MAL2: variants seen among roughly 807,000 people sequenced by gnomAD.
MAL2 encodes mal, T cell differentiation protein 2, also known as protein MAL2.
A neutral mutation model predicts 18.1 loss-of-function variants in MAL2; 17 were observed. That is an observed-to-expected ratio of 0.94 (90% CI 0.64 to 1.41). MAL2 has a LOEUF of 1.41. Ranked by LOEUF, MAL2 falls within the 40% of genes most tolerant of loss-of-function variation. MAL2 has a pLI of 0.00. For synonymous variants in MAL2, 102 were observed against 102.3 expected (o/e 1.00, Z 0.02); for missense variants, 222 against 231.9 (o/e 0.96, Z 0.28).
At chr8:119,231,445 G>A (rs560772141) in intron 2 of MAL2, among the ~76,000 whole-genome samples, 2 of 152,294 alleles carry the variant, frequency 1.3e-5, no homozygotes, top group East Asian at 3.9e-4. Context: ...TCAATAATAG[G>A]TTTGATAGGA....
chr8:119,242,723 CACA>C (rs1401256070), intron 3 of MAL2, among the ~76,000 whole-genome samples: 1 of 152,088 alleles, frequency 6.6e-6, no homozygotes, highest in Non-Finnish European at 1.5e-5. Flanking sequence ...GTGCTAAACC[CACA>C]ACATTTATCA....
At position 119,239,668 on chromosome 8, in the gene MAL2, GAACA is replaced by G. The variant is rs1470238746; in HGVS notation, c.304-494_304-491del. Among the ~76,000 whole-genome samples, 17 of 151,598 alleles carry G rather than the reference GAACA, an allele frequency of 1.1e-4. No individual in the cohort carries two copies. The East Asian group carries it at 3.3e-3, about 29-fold the overall frequency. On this transcript the variant is annotated intron_variant, in intron 2 of 3. Coordinates refer to ENST00000614891, the MANE Select transcript of MAL2 (RefSeq NM_052886.3). The stretch of plus-strand genomic sequence containing the variant: ...CATCATTCTCAGTAAACTATCGCAA[GAACA>G]AAAAACCAAACACCACATATTCTCA...
At chr8:119,221,836 C>G in intron 2 of MAL2, 79 bp downstream of exon 2, 2 of 1,461,890 alleles carry the variant, frequency 1.4e-6, no homozygotes, top group Non-Finnish European at 1.9e-6. Context: ...ATGCCAGAGT[C>G]CCAGTTCTGT....
chr8:119,234,245 T>G lies in MAL2; in HGVS notation c.304-5920T>G, dbSNP rs1282824284. Among the ~76,000 whole-genome samples the G allele has an allele frequency of 2.0e-5, 3 of 152,222 alleles. No individual in the cohort carries two copies. The South Asian group carries it at 6.2e-4, about 32-fold the overall frequency. ...CACTCCCACCCGAATATTGCACTTT[T>G]CAGACCGGCTTAAAAAACGGCGCAC... On this transcript the variant is annotated intron_variant, in intron 2 of 3. Transcript: ENST00000614891.
In MAL2 at chr8:119,208,785, C is replaced by T; in HGVS notation, c.132+181C>T. ...CGCGCCGCCGCCCGGGCCCTCCCTC[C>T]TAGCACCTGTTACGCGGGCACCTGC... On this transcript the variant is annotated intron_variant, in intron 1 of 3. Coordinates refer to ENST00000614891, the MANE Select transcript of MAL2 (RefSeq NM_052886.3). The surrounding 1 kb of genome is among the most constrained non-coding windows in gnomAD (Gnocchi z 4.3). The T allele has an allele frequency of 2.0e-6, 2 of 998,178 alleles. No individual in the cohort carries two copies. The highest frequency in any genetic ancestry group is 3.4e-5 in the East Asian group (1 of 29,442). 61.8% of individuals were successfully genotyped at this position (998,178 alleles called of 1,614,324 possible).
intron 1 of MAL2, among the ~76,000 whole-genome samples, chr8:119,218,634 T>G (rs937126861): frequency 6.6e-6 from 1 of 152,206 alleles, no homozygotes; most frequent in African/African-American, 2.4e-5. Flanking sequence ...TTGCCTTTTT[T>G]GTTTTTTCTT....
At chr8:119,231,413 A>G (rs888122667) in intron 2 of MAL2, among the ~76,000 whole-genome samples, 1 of 152,240 alleles carries the variant, frequency 6.6e-6, no homozygotes, top group Non-Finnish European at 1.5e-5. Flanking sequence ...CCTTTGTAAT[A>G]TTGCTATAAC....
intron 2 of MAL2, 133 bp from the exon 3 acceptor site, chr8:119,240,032 G>A (rs1818013007): frequency 1.0e-6 from 1 of 981,000 alleles, no homozygotes; most frequent in Non-Finnish European, 1.5e-6. Flanking sequence ...AAGCAGCTAA[G>A]CTTAACAGTG....
At chr8:119,233,136 C>T (rs1486685405) in intron 2 of MAL2, among the ~76,000 whole-genome samples, 1 of 152,096 alleles carries the variant, frequency 6.6e-6, no homozygotes, top group Non-Finnish European at 1.5e-5. Flanking sequence ...AGAACAAAGA[C>T]ACAGCATACC....
chr8:119,239,997 G>T (rs1309867423), intron 2 of MAL2, among the ~76,000 whole-genome samples, 168 bp from the exon 3 acceptor site: 1 of 152,166 alleles, frequency 6.6e-6, no homozygotes. Context: ...ATTTTCGCTT[G>T]GGTTCTGATA....
intron 2 of MAL2, among the ~76,000 whole-genome samples, chr8:119,231,823 A>G (rs966055455): frequency 2.6e-5 from 4 of 152,124 alleles, no homozygotes; most frequent in African/African-American, 9.7e-5. Flanking sequence ...GCACGGAAAG[A>G]CCAATACCGC....
intron 3 of MAL2, 46 bp downstream of exon 3, chr8:119,240,366 C>T: frequency 6.3e-7 from 1 of 1,593,302 alleles, no homozygotes; most frequent in East Asian, 2.2e-5. Context: ...CACTTCCGCT[C>T]CACTGTCAAG....
chr8:119,233,640 T>G (rs568583203), intron 2 of MAL2, among the ~76,000 whole-genome samples: 1 of 152,202 alleles, frequency 6.6e-6, no homozygotes, highest in East Asian at 1.9e-4. Context: ...AAGTTGAATC[T>G]CTGAATAGAC....
chr8:119,234,458 C>T (rs914569537), intron 2 of MAL2, among the ~76,000 whole-genome samples: 7 of 152,342 alleles, frequency 4.6e-5, no homozygotes, highest in African/African-American at 1.4e-4. Context: ...GAGCCCACCA[C>T]AGCTCAAGAA....
At chr8:119,240,597 T>A (rs1443642762) in intron 3 of MAL2, among the ~76,000 whole-genome samples, 4 of 152,208 alleles carry the variant, frequency 2.6e-5, no homozygotes, top group Non-Finnish European at 5.9e-5. Flanking sequence ...GTGTCTACTT[T>A]GCAAAAAGAG....
intron 2 of MAL2, among the ~76,000 whole-genome samples, chr8:119,238,349 G>T (rs928694233): frequency 6.6e-6 from 1 of 152,114 alleles, no homozygotes; most frequent in African/African-American, 2.4e-5. Context: ...TGGCCATACT[G>T]CCCAAGGTAA....
intron 2 of MAL2, among the ~76,000 whole-genome samples, chr8:119,236,290 AAAGC>A (rs1282248417): frequency 2.8e-5 from 4 of 142,084 alleles, no homozygotes; most frequent in African/African-American, 1.1e-4. Context: ...CCAGATTCAT[AAAGC>A]AAGTCCTGAG....
chr8:119,230,505 C>CTA, intron 2 of MAL2, among the ~76,000 whole-genome samples: 1 of 151,982 alleles, frequency 6.6e-6, no homozygotes, highest in East Asian at 1.9e-4. Flanking sequence ...GAGACAATAC[C>CTA]ATGTGTAAAG....
intron 2 of MAL2, among the ~76,000 whole-genome samples, chr8:119,228,439 A>G (rs553180395): frequency 3.9e-5 from 6 of 152,076 alleles, no homozygotes; most frequent in Admixed American, 6.5e-5. Context: ...CATTCTTCCA[A>G]TGGGGACACA....
Sources: gnomAD v4.1 joint callset for allele counts (sites outside exome capture counted in the v4.1 genomes callset) on GRCh38, gnomAD v4.1.1 for gene constraint, Gnocchi (gnomAD v3.1) non-coding constraint, MANE v1.5 for transcripts, NCBI Gene and HGNC (gene_info 2026-07-23, HGNC 2026-07-21) for gene names.